The following MAP3K20 variants were observed in gnomAD, a reference collection of about 807,000 sequenced individuals.
MAP3K20 encodes the protein mitogen-activated protein kinase kinase kinase 20.
In MAP3K20, 40 loss-of-function variants were observed where a neutral mutation model predicts 85.7. That is an observed-to-expected ratio of 0.47 (90% CI 0.36 to 0.61). The LOEUF (loss-of-function observed/expected upper bound fraction) is 0.61, where lower values mean the gene tolerates loss of function less well. Among genes scored for constraint, MAP3K20 ranks in the 20% least tolerant of loss-of-function variants. The pLI, the probability that MAP3K20 is intolerant of heterozygous loss-of-function variation, is 0.00. For missense variants in MAP3K20, 817 were observed against 961.7 expected, an observed-to-expected ratio of 0.85 and a Z score of 1.99; for synonymous variants, 325 against 327.7, an observed-to-expected ratio of 0.99 and a Z score of 0.09.
At chr2:173,135,279 A>G (rs971701253) in intron 2 of MAP3K20, among the ~76,000 whole-genome samples, 1 of 152,240 alleles carries the variant, frequency 6.6e-6, no homozygotes, top group East Asian at 1.9e-4. Flanking sequence ...ACTTCCATTA[A>G]TAATTTAGGT....
chr2:173,162,076 CA>C (rs959070764), intron 2 of MAP3K20, among the ~76,000 whole-genome samples: 1 of 151,484 alleles, frequency 6.6e-6, no homozygotes, highest in African/African-American at 2.4e-5. Flanking sequence ...ATTTGGGAAA[CA>C]AAAAAAATTA....
At chr2:173,154,853 G>A (rs964070428) in intron 2 of MAP3K20, among the ~76,000 whole-genome samples, 6 of 152,278 alleles carry the variant, frequency 3.9e-5, no homozygotes, top group African/African-American at 1.4e-4. Context: ...AAGTTACTTA[G>A]GGAAACTTTA....
Position 173,267,565 on chromosome 2 carries a change from C to G in MAP3K20, c.*815C>G, listed in dbSNP as rs1369742379. 1 of 152,042 alleles carries G rather than the reference C, an allele frequency of 6.6e-6. No individual in the cohort carries two copies. Among genetic ancestry groups the G allele is most frequent in the Non-Finnish European group, 1.5e-5 (1 of 68,020 alleles). The allele number at this position is 152,042 out of a possible 1,614,324, so 9.4% of individuals were successfully genotyped here. On this transcript the variant is annotated 3_prime_UTR_variant, in exon 20 of 20. Transcript: ENST00000375213. ...CTCATTCATTACGATTTATCAGAAA[C>G]CAAAGATTTAAATTGCCTAGATTTG... is the stretch of plus-strand genomic sequence containing the variant.
chr2:173,232,399 G>A lies in MAP3K20; in HGVS notation c.1143G>A (p.Leu381=), dbSNP rs958549938. Reference sequence around the variant, plus strand: ...TTACAGGGAAGCGGCTGCTGCTGCTGGAGGAAGAAGACCTGAAAGACATGG... The same window carrying A: ...TTACAGGGAAGCGGCTGCTGCTGCTAGAGGAAGAAGACCTGAAAGACATGG... The part of the protein sequence containing the change: ...NNITGKRLLL[L]EEEDLKDMGI... The change falls in exon 14 of 20, where the codon CTG becomes CTA. Residue 381 remains leucine, a synonymous_variant. Transcript: ENST00000375213. The A allele has an allele frequency of 3.1e-6, 5 of 1,614,110 alleles. No individual in the cohort carries two copies. The highest frequency in any genetic ancestry group is 2.7e-5 in the African/African-American group (2 of 74,934).
chr2:173,096,854 C>T (rs1687476750), intron 2 of MAP3K20, among the ~76,000 whole-genome samples: 1 of 152,182 alleles, frequency 6.6e-6, no homozygotes, highest in Admixed American at 6.5e-5. Flanking sequence ...AGGAGAAAAT[C>T]ATATGATCTT....
chr2:173,154,931 C>T (rs185615565), intron 2 of MAP3K20, among the ~76,000 whole-genome samples: 10 of 152,062 alleles, frequency 6.6e-5, no homozygotes, highest in African/African-American at 4.8e-5. Flanking sequence ...GGAAATGGAA[C>T]GTGGTGTAAA....
At position 173,248,008 on chromosome 2, in the gene MAP3K20, C is replaced by T. The variant is rs568195831; in HGVS notation, c.1359+8512C>T. Among the ~76,000 whole-genome samples the T allele has an allele frequency of 5.8e-4, 88 of 152,266 alleles. 3 individuals carry two copies. The South Asian group carries it at 0.018, about 31-fold the overall frequency. ...GAATAAGCATGAGGTAAGCGAAAGT[C>T]ATTACATGTGCAGGACAGAGCACAG... On this transcript the variant is annotated intron_variant, in intron 16 of 19. Transcript: ENST00000375213.
At chr2:173,221,029 A>T in intron 11 of MAP3K20, 1 of 765,386 alleles carries the variant, frequency 1.3e-6, no homozygotes. Context: ...CCCTACATTC[A>T]TTTATTTCAC....
intron 2 of MAP3K20, among the ~76,000 whole-genome samples, chr2:173,121,535 C>A (rs575204484): frequency 3.9e-5 from 6 of 151,952 alleles, no homozygotes; most frequent in Non-Finnish European, 5.9e-5. Context: ...TACAGGCGCC[C>A]GCCACCACGC....
intron 2 of MAP3K20, among the ~76,000 whole-genome samples, chr2:173,113,709 CT>C (rs1195430613): frequency 3.3e-5 from 5 of 151,994 alleles, no homozygotes; most frequent in African/African-American, 7.3e-5. Flanking sequence ...TTTGAAGGTC[CT>C]TTTTGGAGTT....
chr2:173,121,365 G>A lies in MAP3K20; in HGVS notation c.159+30175G>A, dbSNP rs779374094. 7.2e-5 allele frequency among the ~76,000 whole-genome samples: 11 copies of A among 152,210 alleles called. No individual in the cohort carries two copies. The East Asian group carries it at 7.7e-4, about 11-fold the overall frequency. On this transcript the variant is annotated intron_variant, in intron 2 of 19. Coordinates refer to ENST00000375213, the MANE Select transcript of MAP3K20 (RefSeq NM_016653.3). Reference sequence around the variant, plus strand: ...TGAGGCAACTGATGAAGATATTGTCGGAAACATTACAGGCAGGGAAAGCAA... The same window carrying A: ...TGAGGCAACTGATGAAGATATTGTCAGAAACATTACAGGCAGGGAAAGCAA...
chr2:173,115,667 A>C (rs1485527164), intron 2 of MAP3K20, among the ~76,000 whole-genome samples: 1 of 152,076 alleles, frequency 6.6e-6, no homozygotes, highest in African/African-American at 2.4e-5. Flanking sequence ...GCCAAACTGC[A>C]GTGATTGTTG....
intron 8 of MAP3K20, among the ~76,000 whole-genome samples, chr2:173,202,742 A>G (rs973465432): frequency 6.6e-6 from 1 of 152,186 alleles, no homozygotes; most frequent in Non-Finnish European, 1.5e-5. Flanking sequence ...GCAGCTACAA[A>G]TGCACCCGGA....
chr2:173,081,793 C>G (rs1220034637), intron 1 of MAP3K20, among the ~76,000 whole-genome samples: 1 of 152,180 alleles, frequency 6.6e-6, no homozygotes, highest in Non-Finnish European at 1.5e-5. Context: ...ATGACTGCTT[C>G]CCTCAGAAAA....
chr2:173,225,967 AG>A, intron 11 of MAP3K20: 4 of 985,214 alleles, frequency 4.1e-6, no homozygotes, highest in Non-Finnish European at 4.8e-6. Flanking sequence ...GTTAATTTAA[AG>A]CCTCCTTTTT....
Position 173,091,208 on chromosome 2 carries a change from T to G in MAP3K20, c.159+18T>G. 1.2e-6 allele frequency: 2 copies of G among 1,605,300 alleles called. No homozygotes were observed. The highest frequency in any genetic ancestry group is 1.7e-6 in the Non-Finnish European group (2 of 1,174,978). ...AGAAAGAGGTAAGGTCTTTTCCAGC[T>G]GACAGAAACAGTCACGATACCATTT... is the stretch of plus-strand genomic sequence containing the variant. On this transcript the variant is annotated intron_variant, in intron 2 of 19. Coordinates refer to ENST00000375213, the MANE Select transcript of MAP3K20 (RefSeq NM_016653.3).
intron 2 of MAP3K20, among the ~76,000 whole-genome samples, chr2:173,144,475 A>G (rs1031291800): frequency 2.7e-5 from 3 of 109,480 alleles, no homozygotes; most frequent in African/African-American, 5.2e-5. Flanking sequence ...AAAAAAAAAA[A>G]AAAAAAAAAA....
At chr2:173,144,132 CA>C (rs989881428) in intron 2 of MAP3K20, among the ~76,000 whole-genome samples, 1 of 149,992 alleles carries the variant, frequency 6.7e-6, no homozygotes, top group South Asian at 2.1e-4. Flanking sequence ...CCTGTCTCTA[CA>C]AAAAAAATAA....
At chr2:173,233,207 AATCC>A (rs1294874884) in intron 14 of MAP3K20, among the ~76,000 whole-genome samples, 2 of 152,196 alleles carry the variant, frequency 1.3e-5, no homozygotes, top group African/African-American at 4.8e-5. Flanking sequence ...ATCCATCAGG[AATCC>A]CTAAGGACCC....
Sources: allele counts gnomAD v4.1 joint callset (sites outside exome capture counted in the v4.1 genomes callset), GRCh38; gene constraint gnomAD v4.1.1; transcripts MANE v1.5; gene names NCBI Gene and HGNC (gene_info 2026-07-23, HGNC 2026-07-21).